FKBP1B: variants seen among roughly 807,000 people sequenced by gnomAD.
FKBP1B encodes peptidyl-prolyl cis-trans isomerase FKBP1B.
FKBP1B carries 4 observed loss-of-function variants against 13.5 expected under a neutral mutation model. The ratio of observed to expected loss-of-function variants is 0.30; its 90% CI spans 0.15 to 0.68. The LOEUF (loss-of-function observed/expected upper bound fraction) is 0.68, where lower values mean the gene tolerates loss of function less well. FKBP1B is among the 30% of genes least tolerant of loss of function. The probability of loss-of-function intolerance (pLI) is 0.76; values close to 1 mark genes in which losing one functional copy is unlikely to be tolerated. For missense variants in FKBP1B, 93 were observed against 136.2 expected (o/e 0.68, Z 1.58); for synonymous variants, 54 against 53.6 (o/e 1.01, Z -0.03).
At chr2:24,046,816 T>C (rs918543702), upstream of FKBP1B, among the ~76,000 whole-genome samples, 1 of 152,232 alleles carries the variant, frequency 6.6e-6, no homozygotes, top group African/African-American at 2.4e-5. Flanking sequence ...ATAGTTTGGC[T>C]GTCAAACTTT....
the FKBP1B span, among the ~76,000 whole-genome samples, chr2:24,041,790 G>A: frequency 6.7e-6 from 1 of 149,996 alleles, no homozygotes; most frequent in Non-Finnish European, 1.5e-5. Flanking sequence ...GAGGGGAGGC[G>A]GAGGTTGCAG....
At chr2:24,059,392 A>C (rs1211085171) in intron 2 of FKBP1B, among the ~76,000 whole-genome samples, 2 of 149,998 alleles carry the variant, frequency 1.3e-5, no homozygotes, top group Non-Finnish European at 2.9e-5. Flanking sequence ...TTCTGGTTTC[A>C]AACAGCCCTC....
the FKBP1B span, among the ~76,000 whole-genome samples, chr2:24,034,236 C>T: frequency 6.6e-6 from 1 of 152,094 alleles, no homozygotes; most frequent in African/African-American, 2.4e-5. Flanking sequence ...GCCTGGCCAA[C>T]ATGGTGAAAC....
chr2:24,054,061 C>A, intron 2 of FKBP1B, 112 bp downstream of exon 2: 2 of 1,011,958 alleles, frequency 2.0e-6, no homozygotes, highest in Admixed American at 1.8e-5. Context: ...AAGCCCAAGG[C>A]AGCAGGGTCT....
chr2:24,042,535 CAAAAAA>C, the FKBP1B span, among the ~76,000 whole-genome samples: 4 of 61,584 alleles, frequency 6.5e-5, no homozygotes, highest in African/African-American at 2.1e-4. Flanking sequence ...TACTCCGTCT[CAAAAAA>C]AAAAAAAAAA....
the FKBP1B span, chr2:24,038,199 C>A: frequency 6.2e-7 from 1 of 1,614,190 alleles, no homozygotes; most frequent in Non-Finnish European, 8.5e-7. Flanking sequence ...CTTCTTCCAA[C>A]ATTATTTCTC....
intron 2 of FKBP1B, among the ~76,000 whole-genome samples, chr2:24,056,353 T>G (rs1309053006): frequency 6.6e-6 from 1 of 151,374 alleles, no homozygotes; most frequent in Non-Finnish European, 1.5e-5. Flanking sequence ...TTTTTTTGTT[T>G]TTTTTTTTTG....
At chr2:24,057,037 GAT>G in intron 2 of FKBP1B, among the ~76,000 whole-genome samples, 1 of 152,080 alleles carries the variant, frequency 6.6e-6, no homozygotes, top group Admixed American at 6.6e-5. Context: ...ATATGTTTTG[GAT>G]ATGAGTCTTT....
chr2:24,049,108 C>A (rs1663730411), upstream of FKBP1B, among the ~76,000 whole-genome samples: 1 of 152,170 alleles, frequency 6.6e-6, no homozygotes, highest in Non-Finnish European at 1.5e-5. Context: ...GCTTCCGCAA[C>A]GCTCTGAACT....
chr2:24,045,633 GGAAGGAAGGA>G, upstream of FKBP1B, among the ~76,000 whole-genome samples: 1 of 99,990 alleles, frequency 1.0e-5, no homozygotes, highest in South Asian at 3.6e-4. Context: ...GAGAGAGAGA[GGAAGGAAGGA>G]AGGAAGGAAG....
the FKBP1B span, among the ~76,000 whole-genome samples, chr2:24,043,152 G>A: frequency 6.6e-6 from 1 of 151,856 alleles, no homozygotes; most frequent in Non-Finnish European, 1.5e-5. Context: ...TGGCCAACAT[G>A]GCGAAACCTC....
At chr2:24,046,744 A>C (rs1404781679), upstream of FKBP1B, among the ~76,000 whole-genome samples, 1 of 152,238 alleles carries the variant, frequency 6.6e-6, no homozygotes, top group Non-Finnish European at 1.5e-5. Context: ...AATTAAGAAG[A>C]GTTAACGAAA....
chr2:24,041,470 A>G, the FKBP1B span, among the ~76,000 whole-genome samples: 65 of 152,308 alleles, frequency 4.3e-4, no homozygotes, highest in African/African-American at 1.5e-3. Context: ...AATGTTAAAG[A>G]AAGACACAAA....
At chr2:24,047,630 A>G (rs1405038395), upstream of FKBP1B, among the ~76,000 whole-genome samples, 3 of 150,476 alleles carry the variant, frequency 2.0e-5, no homozygotes, top group African/African-American at 7.3e-5. Flanking sequence ...AGCCCGCCAC[A>G]TTTTCCCTCC....
At chr2:24,054,831 A>G (rs1263303517) in intron 2 of FKBP1B, among the ~76,000 whole-genome samples, 2 of 152,138 alleles carry the variant, frequency 1.3e-5, no homozygotes, top group Non-Finnish European at 2.9e-5. Flanking sequence ...AATTGATTTA[A>G]CAATTTTGCA....
chr2:24,036,676 A>C, the FKBP1B span, among the ~76,000 whole-genome samples: 1 of 152,248 alleles, frequency 6.6e-6, no homozygotes, highest in African/African-American at 2.4e-5. Context: ...ACTAAAAACA[A>C]AGTGAATGTC....
Position 24,063,138 on chromosome 2 carries a change from C to T in FKBP1B, c.273C>T (p.Val91=), listed in dbSNP as rs771468170. The T allele has an allele frequency of 1.9e-5, 30 of 1,613,110 alleles. No homozygotes were observed. Among genetic ancestry groups the T allele is most frequent in the Admixed American group, 6.7e-5 (4 of 59,842 alleles). The change falls in exon 4 of 4, where the codon GTC becomes GTT. Residue 91 remains valine, a synonymous_variant. Coordinates refer to ENST00000380986, the MANE Select transcript of FKBP1B (RefSeq NM_004116.5). ...ATGGAGCCACGGGCCACCCCGGTGT[C>T]ATCCCTCCCAATGCCACCCTCATCT... The part of the protein sequence containing the change: ...VAYGATGHPG[V]IPPNATLIFD...
At chr2:24,057,174 T>A (rs535100809) in intron 2 of FKBP1B, among the ~76,000 whole-genome samples, 15 of 152,092 alleles carry the variant, frequency 9.9e-5, no homozygotes, top group East Asian at 3.9e-4. Flanking sequence ...TCTTTCTTTT[T>A]AAAATTTTTT....
At position 24,060,809 on chromosome 2, in the gene FKBP1B, G is replaced by A; in HGVS notation, c.86-5G>A. The A allele has an allele frequency of 6.2e-7, 1 of 1,611,552 alleles. No homozygotes were observed. The highest frequency in any genetic ancestry group is 8.5e-7 in the Non-Finnish European group (1 of 1,177,712). On this transcript the variant is annotated splice_polypyrimidine_tract_variant and splice_region_variant and intron_variant, in intron 2 of 3. Coordinates refer to ENST00000380986, the MANE Select transcript of FKBP1B (RefSeq NM_004116.5). ...CTCTATTGCACCCGATTCTTGCTTT[G>A]ACAGGAATGCTCCAAAATGGGAAGA...
Sources: allele counts gnomAD v4.1 joint callset (sites outside exome capture counted in the v4.1 genomes callset), GRCh38; gene constraint gnomAD v4.1.1; transcripts MANE v1.5; gene names NCBI Gene and HGNC (gene_info 2026-07-23, HGNC 2026-07-21).